NTRK1: variants seen among roughly 807,000 people sequenced by gnomAD.
NTRK1 encodes the protein neurotrophic receptor tyrosine kinase 1, also known as high affinity nerve growth factor receptor.
In NTRK1, 62 loss-of-function variants were observed where a neutral mutation model predicts 86.8. That is an observed-to-expected ratio of 0.71 (90% CI 0.58 to 0.88). The LOEUF (loss-of-function observed/expected upper bound fraction) is 0.88, where lower values mean the gene tolerates loss of function less well. Ranked by LOEUF, NTRK1 falls within the 40% of genes least tolerant of loss-of-function variation. NTRK1 has a pLI of 0.00. For synonymous variants in NTRK1, 469 were observed against 456.6 expected, an observed-to-expected ratio of 1.03 and a Z score of -0.35; for missense variants, 967 against 1,078.4, an observed-to-expected ratio of 0.90 and a Z score of 1.45.
chr1:156,841,092 C>T (rs747115504), intron 1 of NTRK1: 3 of 1,561,452 alleles, frequency 1.9e-6, no homozygotes, highest in South Asian at 1.2e-5. Context: ...AGCAGCGGCT[C>T]ATCAGCTCCT....
At chr1:156,823,152 T>C (rs12073087) in intron 1 of NTRK1, among the ~76,000 whole-genome samples, 25,203 of 152,184 alleles carry the variant, frequency 0.17, 3,554 homozygotes, top group African/African-American at 0.39. Context: ...GAAGCATGCA[T>C]TCACAAATAA....
In NTRK1 at chr1:156,874,551, C is replaced by T. The variant is rs1647774679; in HGVS notation, c.1196-20C>T. The T allele has an allele frequency of 6.2e-7, 1 of 1,614,148 alleles. No homozygotes were observed. ...ACAGTGTGTGTCAAGGCTCACCCCT[C>T]CTGCCCTGTGTCCCTACAGACACTA... On this transcript the variant is annotated intron_variant, in intron 9 of 16. Coordinates refer to ENST00000524377, the MANE Select transcript of NTRK1 (RefSeq NM_002529.4).
At position 156,879,243 on chromosome 1, in the gene NTRK1, G is replaced by A. The variant is rs1648105270; in HGVS notation, c.1927G>A (p.Gly643Ser). The A allele has an allele frequency of 6.2e-7, 1 of 1,613,992 alleles. No homozygotes were observed. Among genetic ancestry groups the A allele is most frequent in the Non-Finnish European group, 8.5e-7 (1 of 1,180,048 alleles). ...QVAAGMVYLAGLHFVHRDLAT... is the reference protein window; with the variant it reads ...QVAAGMVYLASLHFVHRDLAT... ...CGCTGCGGGGATGGTGTACCTGGCG[G>A]GTCTGCATTTTGTGCACCGGGACCT... The change falls in exon 15 of 17, where the codon GGT (glycine) becomes AGT (serine). Residue 643 changes from glycine (G) to serine (S), a missense_variant. By Grantham distance (56) the Gly-to-Ser change is moderately conservative (BLOSUM62 0). This residue lies in a region of NTRK1 where 637 missense variants were observed against 776.5 expected (regional missense o/e 0.82). Coordinates refer to ENST00000524377, the MANE Select transcript of NTRK1 (RefSeq NM_002529.4).
At chr1:156,867,690 A>G (rs1357324257) in intron 4 of NTRK1, among the ~76,000 whole-genome samples, 1 of 145,238 alleles carries the variant, frequency 6.9e-6, no homozygotes, top group Non-Finnish European at 1.5e-5. Flanking sequence ...TTTTTATGAG[A>G]CGGAGTCTCG....
intron 1 of NTRK1, chr1:156,816,718 C>G: frequency 6.3e-7 from 1 of 1,595,276 alleles, no homozygotes; most frequent in Non-Finnish European, 8.5e-7. Context: ...TGAGGGCAGC[C>G]TCACAAGGGA....
chr1:156,855,176 T>TTATC lies in NTRK1; in HGVS notation c.51-9146_51-9143dup, dbSNP rs142014665. 4.6e-3 allele frequency among the ~76,000 whole-genome samples: 662 copies of TTATC among 143,580 alleles called. 4 individuals carry two copies. The highest frequency in any genetic ancestry group is 0.039 in the East Asian group (188 of 4,768). 94.2% of individuals were successfully genotyped at this position (143,580 alleles called of 152,430 possible). A position where few individuals can be genotyped will look rare whatever the true frequency, so the allele number is the denominator to read the frequency against. On this transcript the variant is annotated intron_variant, in intron 2 of 16. Transcript: ENST00000392302. Reference sequence around the variant, plus strand: ...TGAGGCCTTCTCTGACCATCCAATTTTATCTATCTATCTATCTATCTATCT... The same window carrying TTATC: ...TGAGGCCTTCTCTGACCATCCAATTTTATCTATCTATCTATCTATCTATCTATCT...
intron 1 of NTRK1, among the ~76,000 whole-genome samples, chr1:156,826,293 CT>C (rs386368405): frequency 2.7e-4 from 24 of 88,446 alleles, no homozygotes; most frequent in Admixed American, 9.6e-4. Context: ...GACTTGAGCT[CT>C]TTTTTTTTTT....
At chr1:156,834,156 G>A (rs1456403267) in intron 1 of NTRK1, among the ~76,000 whole-genome samples, 1 of 151,672 alleles carries the variant, frequency 6.6e-6, no homozygotes, top group Non-Finnish European at 1.5e-5. Flanking sequence ...GGTATTAAAT[G>A]CCCTGTGGGT....
chr1:156,872,620 T>C (rs1647625181), intron 7 of NTRK1, among the ~76,000 whole-genome samples: 1 of 151,618 alleles, frequency 6.6e-6, no homozygotes, highest in African/African-American at 2.4e-5. Context: ...TATTTATGCA[T>C]ACATACACTT....
chr1:156,860,901 G>C lies in NTRK1; in HGVS notation c.-34G>C. The C allele has an allele frequency of 7.0e-7, 1 of 1,421,050 alleles. No individual in the cohort carries two copies. Among genetic ancestry groups the C allele is most frequent in the Admixed American group, 3.2e-5 (1 of 31,534 alleles). 88.0% of individuals were successfully genotyped at this position (1,421,050 alleles called of 1,614,324 possible). On this transcript the variant is annotated 5_prime_UTR_variant, in exon 1 of 17. Transcript: ENST00000524377. ...AGCTGCAGCTGGGAGCGCACAGACG[G>C]CTGCCCCGCCTGAGCGAGGCGGGCG...
At chr1:156,828,315 G>A (rs1327527364) in intron 1 of NTRK1, among the ~76,000 whole-genome samples, 2 of 152,192 alleles carry the variant, frequency 1.3e-5, no homozygotes, top group African/African-American at 4.8e-5. Flanking sequence ...CCACTCTGAG[G>A]TGGTAACCGT....
At chr1:156,873,999 T>G in intron 8 of NTRK1, 40 bp downstream of exon 8, 2 of 1,537,708 alleles carry the variant, frequency 1.3e-6, no homozygotes, top group Non-Finnish European at 1.8e-6. Context: ...ACTCCTGGGC[T>G]CCTCCTGGGT....
At chr1:156,876,783 A>C (rs1387099790) in intron 14 of NTRK1, among the ~76,000 whole-genome samples, 2 of 152,138 alleles carry the variant, frequency 1.3e-5, no homozygotes, top group Non-Finnish European at 2.9e-5. Flanking sequence ...AAGTGTCAGT[A>C]GTCAGGGAGG....
At chr1:156,868,373 A>T in intron 5 of NTRK1, 124 bp downstream of exon 5, 1 of 1,534,538 alleles carries the variant, frequency 6.5e-7, no homozygotes, top group East Asian at 2.4e-5. Context: ...GGCTGGGGGA[A>T]ACTGCCTGGG....
At chr1:156,872,164 A>G (rs910780482) in intron 7 of NTRK1, among the ~76,000 whole-genome samples, 1 of 152,222 alleles carries the variant, frequency 6.6e-6, no homozygotes, top group Non-Finnish European at 1.5e-5. Context: ...CCAACAAATT[A>G]TCTTAAATAT....
At chr1:156,867,872 A>G (rs963451575) in intron 4 of NTRK1, among the ~76,000 whole-genome samples, 1 of 146,628 alleles carries the variant, frequency 6.8e-6, no homozygotes, top group African/African-American at 2.6e-5. Flanking sequence ...ACGGGGTTTC[A>G]CTGTGTTAGC....
Position 156,866,896 on chromosome 1 carries a change from C to T in NTRK1, c.360-14C>T, listed in dbSNP as rs1655959370. On this transcript the variant is annotated splice_polypyrimidine_tract_variant and intron_variant, in intron 3 of 16. Coordinates refer to ENST00000524377, the MANE Select transcript of NTRK1 (RefSeq NM_002529.4). ...ACTCAAGGGGTCTGTCTTGCTGTGT[C>T]TCCACGCCCGCAGGAATCTCTCCTT... 6.2e-7 allele frequency: 1 copy of T among 1,613,986 alleles called. No homozygotes were observed. The highest frequency in any genetic ancestry group is 8.5e-7 in the Non-Finnish European group (1 of 1,179,932).
At chr1:156,845,983 G>C (rs1654992800) in intron 2 of NTRK1, 1 of 1,613,246 alleles carries the variant, frequency 6.2e-7, no homozygotes, top group Admixed American at 1.7e-5. Flanking sequence ...GGTAGAGGTC[G>C]CCGTCCTCTG....
At chr1:156,837,145 C>G (rs1654616394) in intron 1 of NTRK1, 1 of 152,290 alleles carries the variant, frequency 6.6e-6, no homozygotes, top group Non-Finnish European at 1.5e-5. Flanking sequence ...TCCTATCTCA[C>G]CAAGTGCCCT....
Sources: gnomAD v4.1 joint callset for allele counts (sites outside exome capture counted in the v4.1 genomes callset) on GRCh38, gnomAD v4.1.1 for gene constraint, gnomAD v4.1.1 regional missense constraint, MANE v1.5 for transcripts, NCBI Gene and HGNC (gene_info 2026-07-23, HGNC 2026-07-21) for gene names.